The following PBLD variants were observed in gnomAD, a reference collection of about 807,000 sequenced individuals.
PBLD encodes the protein phenazine biosynthesis-like domain-containing protein.
A neutral mutation model predicts 31.3 loss-of-function variants in PBLD; 26 were observed. The ratio of observed to expected loss-of-function variants is 0.83; its 90% CI spans 0.61 to 1.15. The LOEUF is 1.15. PBLD is among the 50% of genes most tolerant of loss of function. The pLI is 0.00. For synonymous variants in PBLD, 114 were observed against 129.0 expected (o/e 0.88, Z 0.79); for missense variants, 307 against 351.7 (o/e 0.87, Z 1.02).
In PBLD at chr10:68,296,284, C is replaced by A; in HGVS notation, c.265G>T (p.Val89Leu). ...CGHATLASAA[V>L]LFHKIKNMNS... is the part of the protein sequence containing the mutation. ...ACATTACTTATTTTGTGAAACAGCACAGCTGCAGAAGCCAGGGTGGCATGG... is the reference window on the plus strand; with the variant it reads ...ACATTACTTATTTTGTGAAACAGCAAAGCTGCAGAAGCCAGGGTGGCATGG... Residue 89 changes from valine to leucine, a missense_variant, in exon 4 of 10, where the codon GTG (valine) becomes TTG (leucine). By Grantham distance (32) the Val-to-Leu change is conservative (BLOSUM62 1). Transcript: ENST00000358769. 6.2e-7 allele frequency: 1 copy of A among 1,613,286 alleles called. No individual in the cohort carries two copies. The highest frequency in any genetic ancestry group is 1.3e-5 in the African/African-American group (1 of 74,986).
chr10:68,329,594 T>A (rs1055294040), intron 1 of PBLD, among the ~76,000 whole-genome samples: 9 of 150,234 alleles, frequency 6.0e-5, no homozygotes, highest in Admixed American at 1.3e-4. Flanking sequence ...TAGAGTCTTA[T>A]TAATACAGCA....
At position 68,306,659 on chromosome 10, in the gene PBLD, C is replaced by T; in HGVS notation, c.84+102G>A. On this transcript the variant is annotated intron_variant, in intron 2 of 9. Coordinates refer to ENST00000358769, the MANE Select transcript of PBLD (RefSeq NM_022129.4). ...TGATATGATGGCAAAGAACACAAACCAAAGAGGTAAACAAACAGGTGAAAC... is the reference window on the plus strand; with the variant it reads ...TGATATGATGGCAAAGAACACAAACTAAAGAGGTAAACAAACAGGTGAAAC... 2.7e-6 allele frequency: 3 copies of T among 1,091,102 alleles called. No individual in the cohort carries two copies. The South Asian group carries it at 4.5e-5, about 16-fold the overall frequency. The allele number at this position is 1,091,102 out of a possible 1,614,324, so 67.6% of individuals were successfully genotyped here. A position where few individuals can be genotyped will look rare whatever the true frequency, so the allele number is the denominator to read the frequency against.
intron 1 of PBLD, among the ~76,000 whole-genome samples, chr10:68,315,526 A>G (rs936661814): frequency 1.3e-5 from 2 of 151,662 alleles, no homozygotes; most frequent in Admixed American, 6.6e-5. Context: ...TGGAGGTTAC[A>G]GTGAGCCAAG....
chr10:68,306,260 A>G (rs2044577911), intron 2 of PBLD, among the ~76,000 whole-genome samples: 2 of 152,180 alleles, frequency 1.3e-5, no homozygotes, highest in Admixed American at 1.3e-4. Context: ...TTATTTATAT[A>G]CTATAGCTTA....
chr10:68,286,085 CTTTTT>C (rs71009034), intron 8 of PBLD, among the ~76,000 whole-genome samples: 2 of 103,422 alleles, frequency 1.9e-5, no homozygotes, highest in Non-Finnish European at 3.6e-5. Context: ...TTGAATAATT[CTTTTT>C]TTTTTTTTTT....
At chr10:68,316,497 G>C (rs2044737774) in intron 1 of PBLD, among the ~76,000 whole-genome samples, 1 of 151,984 alleles carries the variant, frequency 6.6e-6, no homozygotes, top group African/African-American at 2.4e-5. Flanking sequence ...GAGATCTCTG[G>C]GACATCATCA....
At chr10:68,313,997 G>A (rs2044703250) in intron 1 of PBLD, among the ~76,000 whole-genome samples, 1 of 151,894 alleles carries the variant, frequency 6.6e-6, no homozygotes, top group Non-Finnish European at 1.5e-5. Context: ...TATTTATGGA[G>A]ACAAAGTCTC....
chr10:68,288,483 C>A lies in PBLD; in HGVS notation c.691G>T (p.Gly231Trp). The A allele has an allele frequency of 1.2e-6, 2 of 1,612,652 alleles. No individual in the cohort carries two copies. The highest frequency in any genetic ancestry group is 1.7e-6 in the Non-Finnish European group (2 of 1,179,560). ...TCCCCTGGGCTCAAGTAAAAAGTAC[C>A]TGTCACTGGGTCTTCAGCCACACCA... ...WVGVAEDPVT[G>W]SAHAVLSSYW... Residue 231 changes from glycine (G) to tryptophan (W), a missense_variant and splice_region_variant, in exon 8 of 10, where the codon GGG (glycine) becomes TGG (tryptophan). By Grantham distance (184) the Gly-to-Trp change is radical. Coordinates refer to ENST00000358769, the MANE Select transcript of PBLD (RefSeq NM_022129.4).
chr10:68,330,654 T>C (rs2045029689), intron 1 of PBLD, among the ~76,000 whole-genome samples: 1 of 151,920 alleles, frequency 6.6e-6, no homozygotes. Flanking sequence ...CACGCCATTC[T>C]CCTGCCTCAG....
At chr10:68,288,856 C>T in intron 7 of PBLD, 75 bp downstream of exon 7, 3 of 1,433,812 alleles carry the variant, frequency 2.1e-6, no homozygotes, top group Non-Finnish European at 2.9e-6. Context: ...GGACACAGCA[C>T]AGCCAGACTA....
At chr10:68,293,295 T>C (rs1476800618) in intron 4 of PBLD, among the ~76,000 whole-genome samples, 1 of 152,252 alleles carries the variant, frequency 6.6e-6, no homozygotes, top group Non-Finnish European at 1.5e-5. Flanking sequence ...GAAATAAATT[T>C]GGTTTATCCT....
At chr10:68,306,984 G>C in intron 1 of PBLD, 81 bp from the exon 2 acceptor site, 1 of 614,360 alleles carries the variant, frequency 1.6e-6, no homozygotes, top group Non-Finnish European at 2.9e-6. Context: ...ACAAAGTCAA[G>C]CAATTATTCA....
At chr10:68,299,627 G>C in intron 2 of PBLD, among the ~76,000 whole-genome samples, 1 of 152,132 alleles carries the variant, frequency 6.6e-6, no homozygotes, top group South Asian at 2.1e-4. Flanking sequence ...AGGGCGAGGC[G>C]GGTAGATCAC....
rs939770983 is a variant in PBLD, at chr10:68,319,116, A to G, written c.-59-12213T>C. Among the ~76,000 whole-genome samples the G allele has an allele frequency of 1.5e-4, 22 of 150,072 alleles. No homozygotes were observed. In the South Asian group the frequency reaches 2.3e-3, roughly 16 times the overall value. ...GAAAGAAAGAAAGAAAGAAAGGAAAAAGAAAGAAAGAGAGAAGGAGAAATA... is the reference window on the plus strand; with the variant it reads ...GAAAGAAAGAAAGAAAGAAAGGAAAGAGAAAGAAAGAGAGAAGGAGAAATA... On this transcript the variant is annotated intron_variant, in intron 1 of 9. Transcript: ENST00000358769.
chr10:68,306,649 G>T (rs901433445), intron 2 of PBLD, 112 bp downstream of exon 2: 33 of 985,736 alleles, frequency 3.3e-5, no homozygotes, highest in Non-Finnish European at 4.4e-5. Context: ...TGATGGCAAA[G>T]AACACAAACC....
At chr10:68,293,330 C>G (rs2044383868) in intron 4 of PBLD, among the ~76,000 whole-genome samples, 1 of 152,154 alleles carries the variant, frequency 6.6e-6, no homozygotes, top group South Asian at 2.1e-4. Context: ...TTTTACATAA[C>G]AATGTAATTT....
At chr10:68,318,729 A>C (rs938945028) in intron 1 of PBLD, among the ~76,000 whole-genome samples, 1 of 152,090 alleles carries the variant, frequency 6.6e-6, no homozygotes, top group Non-Finnish European at 1.5e-5. Flanking sequence ...AATGTTAAGT[A>C]TGATTCTCCA....
chr10:68,311,184 C>T lies in PBLD; in HGVS notation c.-59-4281G>A, dbSNP rs201632030. Among the ~76,000 whole-genome samples the T allele has an allele frequency of 1.1e-4, 16 of 152,268 alleles. No homozygotes were observed. In the East Asian group the frequency reaches 2.9e-3, roughly 28 times the overall value. ...CTAAAATTGGCCAGGCACAGTGGCA[C>T]ACACCTATAATATCAGCACTTTGGG... is the stretch of plus-strand genomic sequence containing the variant. On this transcript the variant is annotated intron_variant, in intron 1 of 9. Coordinates refer to ENST00000358769, the MANE Select transcript of PBLD (RefSeq NM_022129.4).
intron 1 of PBLD, among the ~76,000 whole-genome samples, chr10:68,308,870 G>GTGTGTGTC (rs1554859245): frequency 6.7e-6 from 1 of 149,476 alleles, no homozygotes; most frequent in Non-Finnish European, 1.5e-5. Flanking sequence ...GTGTGTGTGT[G>GTGTGTGTC]TGTGTGTGTG....
Sources: gnomAD v4.1 joint callset for allele counts (sites outside exome capture counted in the v4.1 genomes callset) on GRCh38, gnomAD v4.1.1 for gene constraint, MANE v1.5 for transcripts, NCBI Gene and HGNC (gene_info 2026-07-23, HGNC 2026-07-21) for gene names.